The following ARPP21 variants were observed in gnomAD, a reference collection of about 807,000 sequenced individuals.
ARPP21 encodes the protein cAMP-regulated phosphoprotein 21.
Under a neutral mutation model 113.2 loss-of-function variants are expected in ARPP21, and 69 were observed. The ratio of observed to expected loss-of-function variants is 0.61; its 90% CI spans 0.50 to 0.74. ARPP21 has a LOEUF of 0.74. Ranked by LOEUF, ARPP21 falls within the 30% of genes least tolerant of loss-of-function variation. The pLI, the probability that ARPP21 is intolerant of heterozygous loss-of-function variation, is 0.00. For synonymous variants in ARPP21, 368 were observed against 375.5 expected (o/e 0.98, Z 0.23); for missense variants, 1,070 against 1,037.4 (o/e 1.03, Z -0.43).
chr3:35,735,312 C>T (rs531177189), intron 15 of ARPP21, among the ~76,000 whole-genome samples: 2 of 152,068 alleles, frequency 1.3e-5, no homozygotes, highest in East Asian at 3.9e-4. Context: ...AGAGTTTTGC[C>T]CGGTTGCCCA....
At chr3:35,665,097 G>T (rs991172862) in intron 1 of ARPP21, among the ~76,000 whole-genome samples, 1 of 152,206 alleles carries the variant, frequency 6.6e-6, no homozygotes, top group Non-Finnish European at 1.5e-5. Context: ...GTTAAAAGCT[G>T]AGTGGACCAC....
In ARPP21 at chr3:35,682,869, C is replaced by A; in HGVS notation, c.151C>A (p.Gln51Lys). 2 of 1,609,114 alleles carry A rather than the reference C, an allele frequency of 1.2e-6. No homozygotes were observed. Among genetic ancestry groups the A allele is most frequent in the Non-Finnish European group, 8.5e-7 (1 of 1,177,360 alleles). ...ACAGAGGCGGCTGGAGGCTCAGAAT[C>A]AAGAAAGAAGAAAATCCAAGGTAGG... ...ELQRRLEAQN[Q>K]ERRKSKSGAG... The change falls in exon 4 of 21, where the codon CAA (glutamine) becomes AAA (lysine). Residue 51 changes from glutamine to lysine, a missense_variant. Physicochemically the swap from Gln to Lys is moderately conservative, Grantham distance 53 (BLOSUM62 1). Transcript: ENST00000684406.
In ARPP21 at chr3:35,760,905, C is replaced by G. The variant is rs1378072232; in HGVS notation, c.2137+16940C>G. Among the ~76,000 whole-genome samples, 3 of 152,198 alleles carry G rather than the reference C, an allele frequency of 2.0e-5. No individual in the cohort carries two copies. In the East Asian group the frequency reaches 5.8e-4, roughly 29 times the overall value. On this transcript the variant is annotated intron_variant, in intron 19 of 20. Coordinates refer to ENST00000684406, the MANE Select transcript of ARPP21 (RefSeq NM_001385562.1). ...TCCTGAATTTCTGAGGGCTGGGCAC[C>G]ACCTTCCCCAAAAGACTACTCAGTT...
In ARPP21 at chr3:35,724,412, C is replaced by T. The variant is rs12053931; in HGVS notation, c.1225+2578C>T. 2.6e-4 allele frequency among the ~76,000 whole-genome samples: 40 copies of T among 152,220 alleles called. No individual in the cohort carries two copies. In the East Asian group the frequency reaches 7.7e-3, roughly 29 times the overall value. On this transcript the variant is annotated intron_variant, in intron 14 of 20. Transcript: ENST00000684406. ...CTAGCTATACTGTCACTATTGTTCC[C>T]CCATCTTGATCTTCAAAGCAGGGTT...
intron 14 of ARPP21, among the ~76,000 whole-genome samples, chr3:35,728,354 G>C (rs986844904): frequency 4.4e-4 from 66 of 150,954 alleles, no homozygotes; most frequent in African/African-American, 1.6e-3. Context: ...GAGTAGATGG[G>C]ACTACAGGCA....
intron 19 of ARPP21, among the ~76,000 whole-genome samples, chr3:35,770,719 G>C (rs766126723): frequency 1.1e-4 from 17 of 152,162 alleles, no homozygotes; most frequent in African/African-American, 1.9e-4. Flanking sequence ...AACATAAAAT[G>C]CTTAAATTGT....
At chr3:35,763,463 G>A (rs1055049289) in intron 19 of ARPP21, among the ~76,000 whole-genome samples, 3 of 152,148 alleles carry the variant, frequency 2.0e-5, no homozygotes, top group African/African-American at 7.2e-5. Context: ...TCTCATTGAT[G>A]TGCCTCACCA....
intron 19 of ARPP21, among the ~76,000 whole-genome samples, chr3:35,776,076 A>T (rs916646833): frequency 1.3e-5 from 2 of 152,228 alleles, no homozygotes; most frequent in African/African-American, 4.8e-5. Flanking sequence ...TTTATAAATC[A>T]TATTTTTACA....
At chr3:35,681,964 T>A in intron 3 of ARPP21, 84 bp downstream of exon 3, 2 of 1,413,870 alleles carry the variant, frequency 1.4e-6, no homozygotes, top group Non-Finnish European at 1.9e-6. Context: ...TAGAGATTTA[T>A]TTTTTAAAGA....
chr3:35,710,542 AACACACACACAC>A (rs3086903), intron 11 of ARPP21, among the ~76,000 whole-genome samples: 185 of 132,956 alleles, frequency 1.4e-3, no homozygotes, highest in African/African-American at 3.2e-3. Flanking sequence ...CTCTCTCTCA[AACACACACACAC>A]ACACACACAC....
At chr3:35,747,548 T>C (rs548972355) in intron 19 of ARPP21, among the ~76,000 whole-genome samples, 11 of 152,178 alleles carry the variant, frequency 7.2e-5, no homozygotes, top group Admixed American at 2.6e-4. Flanking sequence ...CCTCCAATAG[T>C]GGGGAGATGG....
At chr3:35,690,576 G>A (rs747412269) in intron 8 of ARPP21, among the ~76,000 whole-genome samples, 13 of 151,614 alleles carry the variant, frequency 8.6e-5, no homozygotes, top group African/African-American at 1.2e-4. Flanking sequence ...GCCTGGCCCC[G>A]TTGATAAGGT....
chr3:35,706,874 T>G (rs1020230938), intron 9 of ARPP21, 100 bp from the exon 10 acceptor site: 1 of 860,304 alleles, frequency 1.2e-6, no homozygotes, highest in African/African-American at 1.7e-5. Context: ...ACTTGTAAAC[T>G]TTTAAGTTAA....
At chr3:35,656,593 A>G (rs1705048040) in intron 1 of ARPP21, among the ~76,000 whole-genome samples, 1 of 152,072 alleles carries the variant, frequency 6.6e-6, no homozygotes, top group Admixed American at 6.6e-5. Flanking sequence ...TCCCATTTAT[A>G]TCACATGTCA....
At chr3:35,769,776 G>T (rs977904406) in intron 19 of ARPP21, among the ~76,000 whole-genome samples, 3 of 152,090 alleles carry the variant, frequency 2.0e-5, no homozygotes, top group African/African-American at 7.2e-5. Flanking sequence ...GCATAGAAAA[G>T]AACACATTCC....
intron 11 of ARPP21, among the ~76,000 whole-genome samples, chr3:35,714,312 G>A (rs73059246): frequency 6.6e-6 from 1 of 152,316 alleles, no homozygotes; most frequent in Non-Finnish European, 1.5e-5. Context: ...TGGCTTAGTG[G>A]AAGGAAATTA....
In ARPP21 at chr3:35,694,296, G is replaced by T. The variant is rs147991443; in HGVS notation, c.686+3291G>T. On this transcript the variant is annotated intron_variant, in intron 9 of 20. Transcript: ENST00000684406. ...TCTGGTATTTTTAATAATATACCCA[G>T]ATATAATCTATCTGCTCTTTTATGA... 4.8e-3 allele frequency among the ~76,000 whole-genome samples: 726 copies of T among 151,604 alleles called. 3 individuals are homozygous for T. Among genetic ancestry groups the T allele is most frequent in the South Asian group, 0.019 (90 of 4,816 alleles).
At chr3:35,725,469 A>T (rs964752812) in intron 14 of ARPP21, among the ~76,000 whole-genome samples, 1 of 152,166 alleles carries the variant, frequency 6.6e-6, no homozygotes, top group Non-Finnish European at 1.5e-5. Flanking sequence ...CTGGTACCTT[A>T]TATTTTACAA....
chr3:35,685,056 T>A, intron 5 of ARPP21: 2 of 985,154 alleles, frequency 2.0e-6, no homozygotes, highest in Non-Finnish European at 2.4e-6. Flanking sequence ...ACACAATATA[T>A]GTTAACTCTG....
Sources: allele counts gnomAD v4.1 joint callset (sites outside exome capture counted in the v4.1 genomes callset), GRCh38; gene constraint gnomAD v4.1.1; transcripts MANE v1.5; gene names NCBI Gene and HGNC (gene_info 2026-07-23, HGNC 2026-07-21).